MAST4: variants seen among roughly 807,000 people sequenced by gnomAD.
The protein encoded by MAST4 is microtubule-associated serine/threonine-protein kinase 4.
In MAST4, 89 loss-of-function variants were observed where a neutral mutation model predicts 162.7. That is an observed-to-expected ratio of 0.55 (90% confidence interval 0.46 to 0.65). The LOEUF (loss-of-function observed/expected upper bound fraction) is 0.65, where lower values mean the gene tolerates loss of function less well. Among genes scored for constraint, MAST4 ranks in the 30% least tolerant of loss-of-function variants. MAST4 has a pLI of 0.00. For missense variants in MAST4, 3,153 were observed against 3,374.0 expected (o/e 0.93, Z 1.62); for synonymous variants, 1,479 against 1,361.1 (o/e 1.09, Z -1.91).
At chr5:67,060,216 C>A (rs989849488) in intron 5 of MAST4, among the ~76,000 whole-genome samples, 1 of 152,146 alleles carries the variant, frequency 6.6e-6, no homozygotes, top group Non-Finnish European at 1.5e-5. Context: ...GCTCACCTTG[C>A]GCTTCAGCTA....
chr5:67,112,751 T>C (rs1454392282), intron 11 of MAST4, among the ~76,000 whole-genome samples: 1 of 152,136 alleles, frequency 6.6e-6, no homozygotes, highest in Non-Finnish European at 1.5e-5. Flanking sequence ...TGCAGTCTTT[T>C]TGGGTTTTTA....
At chr5:66,710,676 G>A (rs146546056) in intron 1 of MAST4, among the ~76,000 whole-genome samples, 5 of 152,236 alleles carry the variant, frequency 3.3e-5, no homozygotes, top group Non-Finnish European at 7.4e-5. Flanking sequence ...GGTTTGCCAG[G>A]AATGTAATTC....
intron 4 of MAST4, chr5:67,004,724 T>TA (rs1751759552): frequency 2.4e-6 from 1 of 410,088 alleles, no homozygotes; most frequent in Non-Finnish European, 4.5e-6. Context: ...CGAGCCTGAC[T>TA]AGGAGAGGGC....
At chr5:67,134,405 G>GTGGT in intron 17 of MAST4, 118 bp from the exon 18 acceptor site, 1 of 708,992 alleles carries the variant, frequency 1.4e-6, no homozygotes, top group African/African-American at 1.8e-5. Context: ...CTTTGTCCAT[G>GTGGT]TGGTTCCATG....
At chr5:66,785,893 G>A (rs1157476969) in intron 2 of MAST4, among the ~76,000 whole-genome samples, 2 of 152,160 alleles carry the variant, frequency 1.3e-5, no homozygotes, top group East Asian at 1.9e-4. Flanking sequence ...TCTTGAGATA[G>A]TGTCTCACTC....
At chr5:66,778,994 A>G (rs980219113) in intron 2 of MAST4, among the ~76,000 whole-genome samples, 1 of 152,298 alleles carries the variant, frequency 6.6e-6, no homozygotes, top group African/African-American at 2.4e-5. Flanking sequence ...AACTTCTGAT[A>G]CCTGTCCCCC....
intron 4 of MAST4, among the ~76,000 whole-genome samples, chr5:66,973,179 T>A (rs1747670859): frequency 6.6e-6 from 1 of 152,152 alleles, no homozygotes; most frequent in South Asian, 2.1e-4. Flanking sequence ...CTCCTAAGAA[T>A]AAGTATATTC....
intron 3 of MAST4, among the ~76,000 whole-genome samples, chr5:66,859,141 A>T (rs963622935): frequency 6.6e-6 from 1 of 152,066 alleles, no homozygotes; most frequent in South Asian, 2.1e-4. Flanking sequence ...TTTTTCTTCT[A>T]TTGCATTAGT....
At chr5:66,885,126 A>T (rs27423) in intron 3 of MAST4, among the ~76,000 whole-genome samples, 2 of 151,916 alleles carry the variant, frequency 1.3e-5, no homozygotes, top group Non-Finnish European at 2.9e-5. Flanking sequence ...GCTGGGATCT[A>T]TGTGGAATAG....
At chr5:66,847,874 C>T (rs1038319704) in intron 3 of MAST4, among the ~76,000 whole-genome samples, 1 of 140,118 alleles carries the variant, frequency 7.1e-6, no homozygotes, top group African/African-American at 2.7e-5. Flanking sequence ...CAAAGCTACA[C>T]TGGGTGTATG....
intron 10 of MAST4, among the ~76,000 whole-genome samples, chr5:67,107,964 C>T (rs973152461): frequency 6.6e-6 from 1 of 152,138 alleles, no homozygotes; most frequent in African/African-American, 2.4e-5. Flanking sequence ...TGGTAACAGC[C>T]AGGAACAAAT....
At chr5:67,106,196 G>T (rs971017480) in intron 10 of MAST4, among the ~76,000 whole-genome samples, 8 of 151,790 alleles carry the variant, frequency 5.3e-5, no homozygotes, top group Non-Finnish European at 1.2e-4. Flanking sequence ...TAGGGATCTT[G>T]TCAGCTGTCT....
intron 10 of MAST4, among the ~76,000 whole-genome samples, chr5:67,105,046 T>G (rs1186236608): frequency 6.6e-6 from 1 of 152,210 alleles, no homozygotes. Flanking sequence ...TTCATTAGTG[T>G]CAGTTCTTCT....
intron 18 of MAST4, among the ~76,000 whole-genome samples, chr5:67,135,598 A>G (rs193207064): frequency 9.1e-4 from 139 of 152,320 alleles, no homozygotes; most frequent in African/African-American, 3.0e-3. Context: ...GTAAACTTTA[A>G]CAAAGCAGAT....
intron 18 of MAST4, among the ~76,000 whole-genome samples, chr5:67,135,241 C>T (rs2151008497): frequency 6.6e-6 from 1 of 152,300 alleles, no homozygotes; most frequent in South Asian, 2.1e-4. Context: ...ATTTCTGTAA[C>T]AGCTGTTCAT....
chr5:66,819,095 C>T (rs925875798), intron 3 of MAST4, among the ~76,000 whole-genome samples: 1 of 152,168 alleles, frequency 6.6e-6, no homozygotes, highest in South Asian at 2.1e-4. Context: ...TCTCTTTCAA[C>T]TGTTAACTGT....
chr5:66,895,214 C>T (rs1047844165), intron 3 of MAST4, among the ~76,000 whole-genome samples: 88 of 152,228 alleles, frequency 5.8e-4, no homozygotes, highest in African/African-American at 2.0e-3. Context: ...TTTCAAGAAC[C>T]CCAGCTGCTG....
At chr5:67,137,718 T>A (rs550040789) in intron 19 of MAST4, among the ~76,000 whole-genome samples, 1 of 152,342 alleles carries the variant, frequency 6.6e-6, no homozygotes, top group African/African-American at 2.4e-5. Flanking sequence ...GTCAGCAAGC[T>A]ATGGCCAGAT....
intron 4 of MAST4, among the ~76,000 whole-genome samples, chr5:66,998,949 G>C (rs199755324): frequency 1.3e-5 from 2 of 152,208 alleles, no homozygotes; most frequent in African/African-American, 4.8e-5. Context: ...CAACAAGGTT[G>C]GTCTTAAAAC....
Sources: allele counts gnomAD v4.1 joint callset (sites outside exome capture counted in the v4.1 genomes callset), GRCh38; gene constraint gnomAD v4.1.1; transcripts MANE v1.5; gene names NCBI Gene and HGNC (gene_info 2026-07-23, HGNC 2026-07-21).